Variants in RGS9 observed in about 807,000 individuals in gnomAD.
The protein encoded by RGS9 is regulator of G protein signaling 9.
Under a neutral mutation model 102.0 loss-of-function variants are expected in RGS9, and 78 were observed. The observed-to-expected ratio is 0.76, with a 90% confidence interval of 0.64 to 0.92. RGS9 has a LOEUF of 0.92. Among genes scored for constraint, RGS9 ranks in the 40% least tolerant of loss-of-function variants. RGS9 has a pLI of 0.00. For missense variants in RGS9, 833 were observed against 866.1 expected (o/e 0.96, Z 0.48); for synonymous variants, 353 against 318.6 (o/e 1.11, Z -1.15).
intron 1 of RGS9, among the ~76,000 whole-genome samples, chr17:65,138,712 C>G (rs1419997866): frequency 2.0e-5 from 3 of 152,154 alleles, no homozygotes; most frequent in Admixed American, 2.0e-4. Flanking sequence ...AGTCGGCTAT[C>G]TCAAAGCCAC....
At position 65,160,359 on chromosome 17, in the gene RGS9, C is replaced by T; in HGVS notation, c.312+20C>T. The T allele has an allele frequency of 6.3e-7, 1 of 1,595,796 alleles. No individual in the cohort carries two copies. Among genetic ancestry groups the T allele is most frequent in the Admixed American group, 1.7e-5 (1 of 60,012 alleles). On this transcript the variant is annotated intron_variant, in intron 4 of 18. Transcript: ENST00000262406. ...TTTCAGGTGAGTCTTGGCCTTGACC[C>T]TGGCTGTTCATATGGGGTTGATCTC...
intron 8 of RGS9, among the ~76,000 whole-genome samples, chr17:65,170,200 A>G (rs1382867060): frequency 6.6e-6 from 1 of 151,896 alleles, no homozygotes; most frequent in African/African-American, 2.4e-5. Context: ...GATTACAGGC[A>G]TGCACCACCA....
At chr17:65,206,065 A>G (rs1220455152) in intron 15 of RGS9, among the ~76,000 whole-genome samples, 2 of 152,148 alleles carry the variant, frequency 1.3e-5, no homozygotes, top group Non-Finnish European at 2.9e-5. Flanking sequence ...AGGTTATGTG[A>G]TATAGGTTAT....
rs750319557 is a variant in RGS9, at chr17:65,225,074, A to G, written c.1480A>G (p.Ser494Gly). ...TGTCMPPSPS[S>G]PFSSSCRSPR... The stretch of plus-strand genomic sequence containing the variant: ...GACCTGCATGCCCCCGTCTCCTTCT[A>G]GCCCCTTCTCCTCCTCCTGCCGCTC... Residue 494 changes from serine (S) to glycine (G), a missense_variant, in exon 18 of 19, where the codon AGC becomes GGC. Coordinates refer to ENST00000262406, the MANE Select transcript of RGS9 (RefSeq NM_003835.4). 6.2e-7 allele frequency: 1 copy of G among 1,613,418 alleles called. No individual in the cohort carries two copies. The highest frequency in any genetic ancestry group is 8.5e-7 in the Non-Finnish European group (1 of 1,179,854).
At chr17:65,212,256 G>C (rs985180714) in intron 17 of RGS9, among the ~76,000 whole-genome samples, 1 of 152,208 alleles carries the variant, frequency 6.6e-6, no homozygotes, top group Non-Finnish European at 1.5e-5. Context: ...GCGAAAGATG[G>C]ATGAAATTTC....
chr17:65,179,682 T>TGTGTGTGTGTGTGTG (rs1911784767), intron 9 of RGS9, among the ~76,000 whole-genome samples: 1 of 125,484 alleles, frequency 8.0e-6, no homozygotes, highest in African/African-American at 3.2e-5. Flanking sequence ...TGTGTGTGTG[T>TGTGTGTGTGTGTGTG]TGGGGGTGGT....
chr17:65,145,985 C>A (rs1910344565), intron 1 of RGS9, among the ~76,000 whole-genome samples: 1 of 152,176 alleles, frequency 6.6e-6, no homozygotes, highest in Non-Finnish European at 1.5e-5. Flanking sequence ...TGACACACCT[C>A]CTAGAAAGAA....
At chr17:65,172,129 T>A (rs9904540) in intron 8 of RGS9, among the ~76,000 whole-genome samples, 12,240 of 152,302 alleles carry the variant, frequency 0.08, 586 homozygotes, top group Middle Eastern at 0.13. Flanking sequence ...GATGGAACAT[T>A]GTGAAGCTAT....
intron 1 of RGS9, among the ~76,000 whole-genome samples, chr17:65,149,946 A>G (rs1460017489): frequency 6.6e-6 from 1 of 152,220 alleles, no homozygotes; most frequent in Non-Finnish European, 1.5e-5. Context: ...CCTTCAGATC[A>G]TGAAAGGATT....
In RGS9 at chr17:65,216,723, G is replaced by A. The variant is rs118112160; in HGVS notation, c.1407+6118G>A. On this transcript the variant is annotated intron_variant, in intron 17 of 18. Coordinates refer to ENST00000262406, the MANE Select transcript of RGS9 (RefSeq NM_003835.4). ...GGTTGAAAATGTGCTTCTGGTGAGG[G>A]AGATTTCTAATCCATTCCTGTTCTA... is the stretch of plus-strand genomic sequence containing the variant. 8.1e-3 allele frequency among the ~76,000 whole-genome samples: 1,226 copies of A among 152,278 alleles called. 12 individuals are homozygous for A. The highest frequency in any genetic ancestry group is 0.014 in the Non-Finnish European group (956 of 68,030).
At chr17:65,211,967 G>A (rs549063803) in intron 17 of RGS9, among the ~76,000 whole-genome samples, 106 of 152,268 alleles carry the variant, frequency 7.0e-4, no homozygotes, top group African/African-American at 2.5e-3. Context: ...ATCTTGGCTG[G>A]GTCCACTCAT....
At chr17:65,152,115 C>T (rs77536409) in intron 1 of RGS9, among the ~76,000 whole-genome samples, 3,917 of 152,202 alleles carry the variant, frequency 0.026, 173 homozygotes, top group African/African-American at 0.09. Flanking sequence ...TTCAGGGTTG[C>T]AGCTTTAGGA....
intron 1 of RGS9, among the ~76,000 whole-genome samples, chr17:65,138,309 C>T (rs1056036419): frequency 6.6e-6 from 1 of 152,122 alleles, no homozygotes; most frequent in Non-Finnish European, 1.5e-5. Flanking sequence ...AGGATTAGGT[C>T]CCGGGTCACA....
At chr17:65,225,966 C>T (rs1232850349) in intron 18 of RGS9, among the ~76,000 whole-genome samples, 1 of 152,188 alleles carries the variant, frequency 6.6e-6, no homozygotes, top group African/African-American at 2.4e-5. Context: ...TCCTCTGCAT[C>T]CATTGGCACA....
At chr17:65,166,541 T>C (rs1003277513) in intron 7 of RGS9, among the ~76,000 whole-genome samples, 3 of 152,244 alleles carry the variant, frequency 2.0e-5, no homozygotes, top group Non-Finnish European at 4.4e-5. Context: ...AATGAACGAA[T>C]GAATGAATGA....
chr17:65,188,763 C>T lies in RGS9; in HGVS notation c.655-523C>T, dbSNP rs144032695. 7.4e-3 allele frequency: 1,325 copies of T among 179,434 alleles called. 18 individuals are homozygous for T. Among genetic ancestry groups the T allele is most frequent in the African/African-American group, 0.03 (1,268 of 41,876 alleles). The allele number at this position is 179,434 out of a possible 1,614,324, so 11.1% of individuals were successfully genotyped here. A position where few individuals can be genotyped will look rare whatever the true frequency, so the allele number is the denominator to read the frequency against. On this transcript the variant is annotated intron_variant, in intron 9 of 18. Transcript: ENST00000262406. ...AAGTAGCTGGGACTACAGGTGCACG[C>T]TACCATGCCTGGCTAATTTTTTTGT...
intron 1 of RGS9, among the ~76,000 whole-genome samples, chr17:65,143,689 G>A (rs906970848): frequency 2.0e-5 from 3 of 151,818 alleles, no homozygotes; most frequent in African/African-American, 7.3e-5. Flanking sequence ...AGCTACTAGG[G>A]AGGCTGAGGT....
chr17:65,152,712 G>T (rs776189296), intron 1 of RGS9, among the ~76,000 whole-genome samples: 1 of 152,076 alleles, frequency 6.6e-6, no homozygotes, highest in African/African-American at 2.4e-5. Context: ...TAAGTTTTTC[G>T]TAGAGGCAGG....
chr17:65,182,724 G>A (rs1223559027), intron 9 of RGS9, among the ~76,000 whole-genome samples: 1 of 152,068 alleles, frequency 6.6e-6, no homozygotes, highest in Non-Finnish European at 1.5e-5. Flanking sequence ...TAGCTCATGG[G>A]CCTCCCTGAT....
Sources: allele counts gnomAD v4.1 joint callset (sites outside exome capture counted in the v4.1 genomes callset), GRCh38; gene constraint gnomAD v4.1.1; transcripts MANE v1.5; gene names NCBI Gene and HGNC (gene_info 2026-07-23, HGNC 2026-07-21).